Variants in CNTNAP5 observed in about 807,000 individuals in gnomAD.
CNTNAP5 encodes contactin associated protein family member 5, also known as contactin-associated protein-like 5.
A neutral mutation model predicts 150.2 loss-of-function variants in CNTNAP5; 72 were observed. That is an observed-to-expected ratio of 0.48 (90% CI 0.40 to 0.58). The LOEUF (loss-of-function observed/expected upper bound fraction) is 0.58, where lower values mean the gene tolerates loss of function less well. Ranked by LOEUF, CNTNAP5 falls within the 20% of genes least tolerant of loss-of-function variation. The probability of loss-of-function intolerance (pLI) is 0.00; values close to 1 mark genes in which losing one functional copy is unlikely to be tolerated. For synonymous variants in CNTNAP5, 672 were observed against 619.8 expected, an observed-to-expected ratio of 1.08 and a Z score of -1.25; for missense variants, 1,636 against 1,626.2, an observed-to-expected ratio of 1.01 and a Z score of -0.10.
At chr2:124,659,717 C>A (rs551185564) in intron 13 of CNTNAP5, among the ~76,000 whole-genome samples, 7 of 152,272 alleles carry the variant, frequency 4.6e-5, no homozygotes, top group Admixed American at 3.9e-4. Context: ...AGGAGCCTAT[C>A]CCCCTACAGG....
At chr2:124,399,040 T>C (rs1234180236) in intron 3 of CNTNAP5, among the ~76,000 whole-genome samples, 2 of 152,212 alleles carry the variant, frequency 1.3e-5, no homozygotes, top group Non-Finnish European at 2.9e-5. Flanking sequence ...GAGAAATTAA[T>C]TCCTTTAGCT....
At chr2:124,660,317 G>A (rs972900201) in intron 13 of CNTNAP5, among the ~76,000 whole-genome samples, 16 of 152,082 alleles carry the variant, frequency 1.1e-4, no homozygotes, top group Admixed American at 2.0e-4. Context: ...GAGGTGATGC[G>A]TCATAGGAAT....
intron 2 of CNTNAP5, 121 bp downstream of exon 2, chr2:124,221,930 T>C (rs1686331693): frequency 1.5e-6 from 1 of 656,054 alleles, no homozygotes; most frequent in African/African-American, 1.8e-5. Context: ...CAGGAAAATA[T>C]TTACGAGGAG....
intron 3 of CNTNAP5, among the ~76,000 whole-genome samples, chr2:124,416,267 T>C (rs1488052204): frequency 1.3e-5 from 2 of 152,076 alleles, no homozygotes; most frequent in East Asian, 1.9e-4. Context: ...TATGTCAAAG[T>C]GTCATGTTTT....
intron 1 of CNTNAP5, among the ~76,000 whole-genome samples, chr2:124,137,929 C>G (rs988679997): frequency 1.2e-4 from 19 of 152,074 alleles, no homozygotes; most frequent in African/African-American, 4.3e-4. Flanking sequence ...CCTGCACATG[C>G]CTTCATTACC....
chr2:124,298,598 T>A (rs2565757), intron 3 of CNTNAP5, among the ~76,000 whole-genome samples: 3,148 of 152,172 alleles, frequency 0.021, 112 homozygotes, highest in African/African-American at 0.07. Flanking sequence ...AGAGCTGGGG[T>A]GATTGACCTT....
chr2:124,466,281 A>C (rs1018652281), intron 6 of CNTNAP5, among the ~76,000 whole-genome samples: 2 of 152,144 alleles, frequency 1.3e-5, no homozygotes, highest in Non-Finnish European at 2.9e-5. Flanking sequence ...TATTCTTTTC[A>C]GCCTAGCCTT....
intron 10 of CNTNAP5, among the ~76,000 whole-genome samples, chr2:124,545,689 C>G (rs1695495710): frequency 6.6e-6 from 1 of 152,098 alleles, no homozygotes; most frequent in South Asian, 2.1e-4. Context: ...TTGATTTCAT[C>G]TGAGTCTCCG....
chr2:124,432,700 A>T (rs965059813), intron 4 of CNTNAP5, among the ~76,000 whole-genome samples: 1 of 152,182 alleles, frequency 6.6e-6, no homozygotes, highest in Non-Finnish European at 1.5e-5. Flanking sequence ...CACTCTGCAC[A>T]CACTAATTTC....
At chr2:124,361,663 G>A (rs56042512) in intron 3 of CNTNAP5, among the ~76,000 whole-genome samples, 4 of 134,668 alleles carry the variant, frequency 3.0e-5, no homozygotes, top group East Asian at 2.0e-4. Flanking sequence ...GCAGTCTGCC[G>A]GTTCTCAGAT....
chr2:124,835,559 G>A (rs574562119), intron 19 of CNTNAP5, among the ~76,000 whole-genome samples: 4 of 152,064 alleles, frequency 2.6e-5, no homozygotes, highest in Non-Finnish European at 5.9e-5. Flanking sequence ...AGAGTTTGAC[G>A]TGGTATTAAT....
chr2:124,502,127 C>A (rs1558929691), intron 7 of CNTNAP5, among the ~76,000 whole-genome samples: 1 of 152,144 alleles, frequency 6.6e-6, no homozygotes, highest in Non-Finnish European at 1.5e-5. Context: ...CCACTCACAA[C>A]CTTATCTTAA....
intron 7 of CNTNAP5, among the ~76,000 whole-genome samples, chr2:124,475,552 G>A (rs1693619909): frequency 6.6e-6 from 1 of 151,852 alleles, no homozygotes; most frequent in Non-Finnish European, 1.5e-5. Context: ...TCCATTTTTG[G>A]TTTATATATT....
chr2:124,870,254 T>A (rs181082658), intron 21 of CNTNAP5, among the ~76,000 whole-genome samples: 17 of 152,078 alleles, frequency 1.1e-4, no homozygotes, highest in Admixed American at 1.1e-3. Flanking sequence ...ATCTACTTGA[T>A]GAAGTGAACA....
chr2:124,156,636 C>T (rs754962521), intron 1 of CNTNAP5, among the ~76,000 whole-genome samples: 1 of 152,166 alleles, frequency 6.6e-6, no homozygotes, highest in Non-Finnish European at 1.5e-5. Context: ...GCTGGGACTA[C>T]AAACATGCGC....
At chr2:124,810,377 G>A (rs997477639) in intron 19 of CNTNAP5, among the ~76,000 whole-genome samples, 1 of 152,180 alleles carries the variant, frequency 6.6e-6, no homozygotes, top group Admixed American at 6.5e-5. Context: ...GTTCTTGACA[G>A]GCTGGTTTTT....
chr2:124,339,692 T>C (rs780550259), intron 3 of CNTNAP5, among the ~76,000 whole-genome samples: 2 of 152,174 alleles, frequency 1.3e-5, no homozygotes, highest in Non-Finnish European at 2.9e-5. Flanking sequence ...AAGAGTTTAA[T>C]TGATGTGCGG....
chr2:124,245,623 GTA>G (rs1211889157), intron 3 of CNTNAP5, among the ~76,000 whole-genome samples: 4 of 150,244 alleles, frequency 2.7e-5, no homozygotes, highest in African/African-American at 7.4e-5. Context: ...GCATGTGTGT[GTA>G]TATATATGTG....
At chr2:124,340,289 C>T (rs1189118106) in intron 3 of CNTNAP5, among the ~76,000 whole-genome samples, 1 of 152,180 alleles carries the variant, frequency 6.6e-6, no homozygotes, top group African/African-American at 2.4e-5. Context: ...TCAGATTTCT[C>T]TTACTGTTAT....
Sources: allele counts gnomAD v4.1 joint callset (sites outside exome capture counted in the v4.1 genomes callset), GRCh38; gene constraint gnomAD v4.1.1; transcripts MANE v1.5; gene names NCBI Gene and HGNC (gene_info 2026-07-23, HGNC 2026-07-21).